Variants in CTAGE1 observed in about 807,000 individuals in gnomAD.
CTAGE1 encodes cTAGE family member 2.
For synonymous variants in CTAGE1, 332 were observed against 302.8 expected (o/e 1.10, Z -1.00); for missense variants, 963 against 855.9 (o/e 1.13, Z -1.56).
Position 22,415,862 on chromosome 18 carries a change from G to T in CTAGE1, c.1950C>A (p.Pro650=), listed in dbSNP as rs748734100. 5 of 1,613,924 alleles carry T rather than the reference G, an allele frequency of 3.1e-6. No homozygotes were observed. Among genetic ancestry groups the T allele is most frequent in the Non-Finnish European group, 4.2e-6 (5 of 1,179,852 alleles). Residue 650 remains proline, a synonymous_variant, in exon 1 of 1, where the codon CCC becomes CCA. Coordinates refer to ENST00000391403, the MANE Select transcript of CTAGE1 (RefSeq NM_172241.3). The part of the protein sequence containing the change: ...GNLKVPDSSL[P]AENEATGPGF... ...CAGGGCCAGTTGCTTCATTTTCAGCGGGGAGAGATGAATCAGGCACCTTTA... is the reference window on the plus strand; with the variant it reads ...CAGGGCCAGTTGCTTCATTTTCAGCTGGGAGAGATGAATCAGGCACCTTTA...
At position 22,415,761 on chromosome 18, in the gene CTAGE1, C is replaced by T. The variant is rs763417371; in HGVS notation, c.2051G>A (p.Arg684Lys). ...AGGAGGTGGGGGGAAAGGAGGTCCT[C>T]TTCTTATGAACGGGCCCCTTGTATC... is the stretch of plus-strand genomic sequence containing the variant. ...PVDTRGPFIR[R>K]GPPFPPPPPG... Residue 684 changes from arginine (R) to lysine (K), a missense_variant, in exon 1 of 1, where the codon AGA (arginine) becomes AAA (lysine). Coordinates refer to ENST00000391403, the MANE Select transcript of CTAGE1 (RefSeq NM_172241.3). 2.5e-6 allele frequency: 4 copies of T among 1,613,944 alleles called. No homozygotes were observed. Among genetic ancestry groups the T allele is most frequent in the South Asian group, 2.2e-5 (2 of 91,076 alleles).
Position 22,414,261 on chromosome 18 carries a change from A to T in CTAGE1, c.*1313T>A, listed in dbSNP as rs1028920691. ...TTTTTCCACTAGCAAATAGGGCTTT[A>T]ACAGAACAGAAGCATAAAGTAGCTG... On this transcript the variant is annotated 3_prime_UTR_variant, in exon 1 of 1. Transcript: ENST00000391403. The T allele has an allele frequency of 1.9e-5, 3 of 161,930 alleles. No homozygotes were observed. Among genetic ancestry groups the T allele is most frequent in the East Asian group, 1.8e-4 (1 of 5,636 alleles). The allele number at this position is 161,930 out of a possible 1,614,324, so 10.0% of individuals were successfully genotyped here.
At position 22,415,284 on chromosome 18, in the gene CTAGE1, G is replaced by T; in HGVS notation, c.*290C>A. The stretch of plus-strand genomic sequence containing the variant: ...TAATAGTGGATTAATCAAATTAAAA[G>T]TTATACTATCTAGAATAAAATAAAA... On this transcript the variant is annotated 3_prime_UTR_variant, in exon 1 of 1. Coordinates refer to ENST00000391403, the MANE Select transcript of CTAGE1 (RefSeq NM_172241.3). 1 of 325,544 alleles carries T rather than the reference G, an allele frequency of 3.1e-6. No individual in the cohort carries two copies. The highest frequency in any genetic ancestry group is 2.1e-5 in the African/African-American group (1 of 46,532). 20.2% of individuals were successfully genotyped at this position (325,544 alleles called of 1,614,324 possible). A position where few individuals can be genotyped will look rare whatever the true frequency, so the allele number is the denominator to read the frequency against.
In CTAGE1 at chr18:22,416,473, T is replaced by C; in HGVS notation, c.1339A>G (p.Arg447Gly). The C allele has an allele frequency of 6.2e-7, 1 of 1,614,122 alleles. No homozygotes were observed. The highest frequency in any genetic ancestry group is 8.5e-7 in the Non-Finnish European group (1 of 1,180,016). Reference protein sequence around the residue: ...WTAERNLNDLRKENAHNRQKL... With the variant: ...WTAERNLNDLGKENAHNRQKL... ...TGTCTGTTGTGAGCATTTTCTTTCC[T>C]TAAATCATTGAGGTTTCTTTCAGCA... The change falls in exon 1 of 1, where the codon AGG (arginine) becomes GGG (glycine). Residue 447 changes from arginine (R) to glycine (G), a missense_variant. Coordinates refer to ENST00000391403, the MANE Select transcript of CTAGE1 (RefSeq NM_172241.3).
Position 22,417,163 on chromosome 18 carries a change from C to CA in CTAGE1, c.648dup (p.Glu217Ter). ...TGTTCTGCATGTACTTTGGAGTCTT[C>CA]AAATGTTCTTTTCTGTTTAATAAGT... On this transcript the variant is annotated frameshift_variant, in exon 1 of 1. Coordinates refer to ENST00000391403, the MANE Select transcript of CTAGE1 (RefSeq NM_172241.3). LOFTEE classifies it low-confidence loss of function (END_TRUNC). The CA allele has an allele frequency of 6.2e-7, 1 of 1,613,924 alleles. No homozygotes were observed. The highest frequency in any genetic ancestry group is 8.5e-7 in the Non-Finnish European group (1 of 1,179,854).
chr18:22,415,039 T>A lies in CTAGE1; in HGVS notation c.*535A>T. ...GATCATCTTGGTTTAAAGTGAAATA[T>A]TCTAACAGTTACATAGTATTCTACC... On this transcript the variant is annotated 3_prime_UTR_variant, in exon 1 of 1. Coordinates refer to ENST00000391403, the MANE Select transcript of CTAGE1 (RefSeq NM_172241.3). 1 of 520,864 alleles carries A rather than the reference T, an allele frequency of 1.9e-6. No individual in the cohort carries two copies. Among genetic ancestry groups the A allele is most frequent in the Non-Finnish European group, 3.4e-6 (1 of 296,372 alleles). The allele number at this position is 520,864 out of a possible 1,614,324, so 32.3% of individuals were successfully genotyped here.
Position 22,415,463 on chromosome 18 carries a change from T to C in CTAGE1, c.*111A>G. On this transcript the variant is annotated 3_prime_UTR_variant, in exon 1 of 1. Transcript: ENST00000391403. The stretch of plus-strand genomic sequence containing the variant: ...AAACTGAAAATGAGATCAGTCAAAA[T>C]TACTTTTGAAGAGGGCAAACATGTT... 1.1e-6 allele frequency: 1 copy of C among 885,806 alleles called. No individual in the cohort carries two copies. The highest frequency in any genetic ancestry group is 1.8e-6 in the Non-Finnish European group (1 of 566,642). The allele number at this position is 885,806 out of a possible 1,614,324, so 54.9% of individuals were successfully genotyped here.
At position 22,414,744 on chromosome 18, in the gene CTAGE1, A is replaced by T. The variant is rs1369339901; in HGVS notation, c.*830T>A. On this transcript the variant is annotated 3_prime_UTR_variant, in exon 1 of 1. Coordinates refer to ENST00000391403, the MANE Select transcript of CTAGE1 (RefSeq NM_172241.3). ...TTGGGAAAGAAGTCAGGAGAAACTGATCTATATAATTCTGGGGCAAGTAAA... is the reference window on the plus strand; with the variant it reads ...TTGGGAAAGAAGTCAGGAGAAACTGTTCTATATAATTCTGGGGCAAGTAAA... 11 of 702,938 alleles carry T rather than the reference A, an allele frequency of 1.6e-5. No individual in the cohort carries two copies. Among genetic ancestry groups the T allele is most frequent in the Non-Finnish European group, 2.6e-5 (10 of 385,032 alleles). 43.5% of individuals were successfully genotyped at this position (702,938 alleles called of 1,614,324 possible). A position where few individuals can be genotyped will look rare whatever the true frequency, so the allele number is the denominator to read the frequency against.
In CTAGE1 at chr18:22,413,691, C is replaced by T. The variant is rs990385083; in HGVS notation, c.*1883G>A. 6.6e-6 allele frequency: 1 copy of T among 152,134 alleles called. No homozygotes were observed. The highest frequency in any genetic ancestry group is 2.4e-5 in the African/African-American group (1 of 41,426). The allele number at this position is 152,134 out of a possible 1,614,324, so 9.4% of individuals were successfully genotyped here. A position where few individuals can be genotyped will look rare whatever the true frequency, so the allele number is the denominator to read the frequency against. On this transcript the variant is annotated 3_prime_UTR_variant, in exon 1 of 1. Coordinates refer to ENST00000391403, the MANE Select transcript of CTAGE1 (RefSeq NM_172241.3). ...AAAATTAGTAGTCATTCAACAAAAG[C>T]AAATATTATTTTTCTTAGTTACAAA...
In CTAGE1 at chr18:22,415,769, G is replaced by C. The variant is rs1465657898; in HGVS notation, c.2043C>G (p.Phe681Leu). 1.2e-6 allele frequency: 2 copies of C among 1,613,980 alleles called. No homozygotes were observed. The highest frequency in any genetic ancestry group is 8.5e-7 in the Non-Finnish European group (1 of 1,179,864). ...LLFPVDTRGP[F>L]IRRGPPFPPP... ...GGGGGAAAGGAGGTCCTCTTCTTAT[G>C]AACGGGCCCCTTGTATCTACTGGAA... Residue 681 changes from phenylalanine to leucine, a missense_variant, in exon 1 of 1, where the codon TTC (phenylalanine) becomes TTG (leucine). Transcript: ENST00000391403.
rs946866967 is a variant in CTAGE1, at chr18:22,414,021, C to A, written c.*1553G>T. 9 of 152,176 alleles carry A rather than the reference C, an allele frequency of 5.9e-5. No individual in the cohort carries two copies. Among genetic ancestry groups the A allele is most frequent in the African/African-American group, 2.2e-4 (9 of 41,468 alleles). The allele number at this position is 152,176 out of a possible 1,614,324, so 9.4% of individuals were successfully genotyped here. ...AGAAATCCAGAAAAATCTCCTTAAT[C>A]TTGCAATTCCCACCTAACTTCCATT... On this transcript the variant is annotated 3_prime_UTR_variant, in exon 1 of 1. Coordinates refer to ENST00000391403, the MANE Select transcript of CTAGE1 (RefSeq NM_172241.3).
chr18:22,417,087 A>T lies in CTAGE1; in HGVS notation c.725T>A (p.Leu242Gln). Residue 242 changes from leucine to glutamine, a missense_variant, in exon 1 of 1, where the codon CTA becomes CAA. By Grantham distance (113) the Leu-to-Gln change is moderately radical (BLOSUM62 -2). Coordinates refer to ENST00000391403, the MANE Select transcript of CTAGE1 (RefSeq NM_172241.3). ...CATAGCAACCCCATCTTTCATCTTT[A>T]GCAAGCGTTCAGTCAGAGTCTTGAT... ...NHIKTLTERL[L>Q]KMKDGVAMLE... 1.9e-6 allele frequency: 3 copies of T among 1,613,962 alleles called. No individual in the cohort carries two copies. Among genetic ancestry groups the T allele is most frequent in the South Asian group, 2.2e-5 (2 of 91,068 alleles).
rs999443660 is a variant in CTAGE1 at position 22,414,544 on chromosome 18, AG to A, written c.*1029del. 12 of 607,478 alleles carry A rather than the reference AG, an allele frequency of 2.0e-5. No homozygotes were observed. The highest frequency in any genetic ancestry group is 3.5e-5 in the Non-Finnish European group (12 of 343,466). 37.6% of individuals were successfully genotyped at this position (607,478 alleles called of 1,614,324 possible). On this transcript the variant is annotated 3_prime_UTR_variant, in exon 1 of 1. Coordinates refer to ENST00000391403, the MANE Select transcript of CTAGE1 (RefSeq NM_172241.3). Reference sequence around the variant, plus strand: ...AATCCAAAATTTGAGGGCGTCTCTCAGGGAACACGATACATTTCATCTTTTA... The same window carrying A: ...AATCCAAAATTTGAGGGCGTCTCTCAGGAACACGATACATTTCATCTTTTA...
Position 22,415,898 on chromosome 18 carries a change from A to G in CTAGE1, c.1914T>C (p.Asn638=), listed in dbSNP as rs2035006363. 6 of 1,613,852 alleles carry G rather than the reference A, an allele frequency of 3.7e-6. No individual in the cohort carries two copies. The highest frequency in any genetic ancestry group is 5.1e-6 in the Non-Finnish European group (6 of 1,179,832). ...AATCAGGCACCTTTAAATTACCAAG[A>G]TTATCTTTGGTATCATTTCTACTGG... ...MESSRNDTKD[N]LGNLKVPDSS... Residue 638 remains asparagine, a synonymous_variant, in exon 1 of 1, where the codon AAT becomes AAC. Coordinates refer to ENST00000391403, the MANE Select transcript of CTAGE1 (RefSeq NM_172241.3).
chr18:22,415,012 A>C lies in CTAGE1; in HGVS notation c.*562T>G. The C allele has an allele frequency of 1.8e-6, 1 of 557,472 alleles. No homozygotes were observed. Among genetic ancestry groups the C allele is most frequent in the African/African-American group, 1.9e-5 (1 of 53,118 alleles). 34.5% of individuals were successfully genotyped at this position (557,472 alleles called of 1,614,324 possible). ...ATAAAATCTATAAGACAGGAGATCC[A>C]AGATCATCTTGGTTTAAAGTGAAAT... On this transcript the variant is annotated 3_prime_UTR_variant, in exon 1 of 1. Coordinates refer to ENST00000391403, the MANE Select transcript of CTAGE1 (RefSeq NM_172241.3).
rs1343116892 is a variant in CTAGE1, at chr18:22,414,384, T to C, written c.*1190A>G. On this transcript the variant is annotated 3_prime_UTR_variant, in exon 1 of 1. Coordinates refer to ENST00000391403, the MANE Select transcript of CTAGE1 (RefSeq NM_172241.3). ...CTCAAATAGTTACTTTTCTTTTATT[T>C]TATTACATTCAAGCAGAGACTGGAG... 2 of 385,236 alleles carry C rather than the reference T, an allele frequency of 5.2e-6. No individual in the cohort carries two copies. Among genetic ancestry groups the C allele is most frequent in the Admixed American group, 4.3e-5 (1 of 23,428 alleles). The allele number at this position is 385,236 out of a possible 1,614,324, so 23.9% of individuals were successfully genotyped here.
Position 22,417,842 on chromosome 18 carries a change from T to C in CTAGE1, c.-31A>G. ...CAGTCAGTGCTGCCACAACCCTGCG[T>C]AGCAACTCCAGGACCAGCCCCAGGT... On this transcript the variant is annotated 5_prime_UTR_variant, in exon 1 of 1. Coordinates refer to ENST00000391403, the MANE Select transcript of CTAGE1 (RefSeq NM_172241.3). 6.2e-7 allele frequency: 1 copy of C among 1,609,462 alleles called. No individual in the cohort carries two copies. The highest frequency in any genetic ancestry group is 8.5e-7 in the Non-Finnish European group (1 of 1,175,816).
In CTAGE1 at chr18:22,417,523, A is replaced by G; in HGVS notation, c.289T>C (p.Leu97=). The G allele has an allele frequency of 5.6e-6, 9 of 1,613,960 alleles. No individual in the cohort carries two copies. The highest frequency in any genetic ancestry group is 7.6e-6 in the Non-Finnish European group (9 of 1,179,864). Residue 97 remains leucine (L), a synonymous_variant, in exon 1 of 1, where the codon TTG becomes CTG. Transcript: ENST00000391403. The part of the protein sequence containing the change: ...FEKEATEAQS[L]EATCEKLNRF... ...TTCAGCTTTTCGCAGGTTGCCTCCA[A>G]ACTTTGTGCTTCTGTTGCCTCCTTC...
Position 22,414,439 on chromosome 18 carries a change from G to A in CTAGE1, c.*1135C>T, listed in dbSNP as rs2034984502. 2 of 541,988 alleles carry A rather than the reference G, an allele frequency of 3.7e-6. No individual in the cohort carries two copies. Among genetic ancestry groups the A allele is most frequent in the Admixed American group, 6.8e-5 (2 of 29,342 alleles). The allele number at this position is 541,988 out of a possible 1,614,324, so 33.6% of individuals were successfully genotyped here. ...ATTAACTGCTAGGGGAGGCATGTGAGCTAGGATGCTTTTTAAAAGTGAGGG... is the reference window on the plus strand; with the variant it reads ...ATTAACTGCTAGGGGAGGCATGTGAACTAGGATGCTTTTTAAAAGTGAGGG... On this transcript the variant is annotated 3_prime_UTR_variant, in exon 1 of 1. Transcript: ENST00000391403.
Sources: gnomAD v4.1 joint callset for allele counts on GRCh38, gnomAD v4.1.1 for gene constraint, MANE v1.5 for transcripts, NCBI Gene and HGNC (gene_info 2026-07-23, HGNC 2026-07-21) for gene names.